Variants in RGL1 observed in about 807,000 individuals in gnomAD.
RGL1 encodes ral guanine nucleotide dissociation stimulator like 1.
Under a neutral mutation model 95.2 loss-of-function variants are expected in RGL1, and 24 were observed. The observed-to-expected ratio is 0.25, with a 90% confidence interval of 0.18 to 0.35. The LOEUF (loss-of-function observed/expected upper bound fraction) is 0.35, where lower values mean the gene tolerates loss of function less well. RGL1 is among the 10% of genes least tolerant of loss of function. RGL1 has a pLI of 1.00. For synonymous variants in RGL1, 329 were observed against 344.9 expected (o/e 0.95, Z 0.51); for missense variants, 715 against 936.3 (o/e 0.76, Z 3.08).
chr1:183,641,134 G>T (rs1417536118), intron 1 of RGL1, among the ~76,000 whole-genome samples: 1 of 152,060 alleles, frequency 6.6e-6, no homozygotes, highest in Non-Finnish European at 1.5e-5. Context: ...TATGGTTTCA[G>T]AATTTTTTTT....
chr1:183,771,561 TG>T, intron 2 of RGL1, among the ~76,000 whole-genome samples: 1 of 152,360 alleles, frequency 6.6e-6, no homozygotes, highest in East Asian at 1.9e-4. Context: ...ACTTAAACGC[TG>T]AAATGTTTCC....
intron 2 of RGL1, among the ~76,000 whole-genome samples, chr1:183,844,882 A>G (rs902152057): frequency 2.0e-5 from 3 of 152,236 alleles, no homozygotes; most frequent in African/African-American, 7.2e-5. Flanking sequence ...AGATAAAGCC[A>G]TCTACCACAT....
chr1:183,827,740 T>G (rs1662970173), intron 2 of RGL1, among the ~76,000 whole-genome samples: 2 of 152,256 alleles, frequency 1.3e-5, no homozygotes, highest in South Asian at 4.1e-4. Flanking sequence ...TTATTTACGT[T>G]GGATACAATA....
At chr1:183,868,937 G>A (rs1314933788) in intron 4 of RGL1, among the ~76,000 whole-genome samples, 1 of 152,066 alleles carries the variant, frequency 6.6e-6, no homozygotes, top group Non-Finnish European at 1.5e-5. Context: ...CAACGTAGTG[G>A]GACTCTGTCT....
At chr1:183,683,174 C>T (rs935928276) in intron 1 of RGL1, among the ~76,000 whole-genome samples, 9 of 152,022 alleles carry the variant, frequency 5.9e-5, no homozygotes, top group African/African-American at 1.9e-4. Context: ...TTTACATTTA[C>T]GGTTAATATT....
At chr1:183,713,260 A>G (rs1041445888) in intron 1 of RGL1, among the ~76,000 whole-genome samples, 2 of 151,338 alleles carry the variant, frequency 1.3e-5, no homozygotes, top group African/African-American at 2.4e-5. Context: ...TCCTGACCTC[A>G]GGTGATCCTT....
chr1:183,662,059 T>C (rs1293314314), intron 1 of RGL1, among the ~76,000 whole-genome samples: 3,706 of 139,314 alleles, frequency 0.027, 254 homozygotes, highest in African/African-American at 0.087. Context: ...TGGGACATAT[T>C]TCAAGATAAT....
At chr1:183,700,481 G>A (rs775512110) in intron 1 of RGL1, among the ~76,000 whole-genome samples, 30 of 149,798 alleles carry the variant, frequency 2.0e-4, no homozygotes, top group Non-Finnish European at 3.5e-4. Context: ...TGTGCAGAAT[G>A]TGCAGTTTTG....
At chr1:183,647,078 G>T (rs1183903995) in intron 1 of RGL1, 1 of 152,352 alleles carries the variant, frequency 6.6e-6, no homozygotes, top group Non-Finnish European at 1.5e-5. Flanking sequence ...AGAGGTCTGA[G>T]CTGGGGAAGA....
chr1:183,751,301 C>G (rs1238119521), intron 2 of RGL1, among the ~76,000 whole-genome samples: 1 of 152,182 alleles, frequency 6.6e-6, no homozygotes, highest in Non-Finnish European at 1.5e-5. Context: ...GCTACAGCAG[C>G]TTTCCTGAGT....
At chr1:183,869,940 C>T (rs2102605083) in intron 4 of RGL1, among the ~76,000 whole-genome samples, 1 of 152,292 alleles carries the variant, frequency 6.6e-6, no homozygotes, top group East Asian at 1.9e-4. Flanking sequence ...AGGACATTTG[C>T]CAATGCCCTA....
chr1:183,887,174 C>T (rs865876629), intron 7 of RGL1, among the ~76,000 whole-genome samples: 2 of 141,872 alleles, frequency 1.4e-5, no homozygotes, highest in African/African-American at 2.6e-5. Flanking sequence ...CTCCCTCCCT[C>T]TTTTCCTCCC....
rs78051925 is a variant in RGL1 at position 183,820,715 on chromosome 1, C to T, written c.138+14230C>T. Among the ~76,000 whole-genome samples the T allele has an allele frequency of 5.3e-4, 81 of 152,194 alleles. 1 individual carries two copies. The highest frequency in any genetic ancestry group is 1.8e-3 in the African/African-American group (75 of 41,518). On this transcript the variant is annotated intron_variant, in intron 2 of 17. Transcript: ENST00000360851. ...TGAAATGTTCTGTACCTGTAAAATC[C>T]GCACCAGAGTTTGAAAAAATAATGT...
At chr1:183,675,549 T>C (rs1476567699) in intron 1 of RGL1, among the ~76,000 whole-genome samples, 3 of 152,228 alleles carry the variant, frequency 2.0e-5, no homozygotes, top group Non-Finnish European at 4.4e-5. Context: ...CAAGGATTCC[T>C]TTATTTCAGC....
chr1:183,809,498 T>C (rs1661556701), intron 2 of RGL1, among the ~76,000 whole-genome samples: 1 of 152,214 alleles, frequency 6.6e-6, no homozygotes, highest in African/African-American at 2.4e-5. Flanking sequence ...TTGGCAACTT[T>C]GAAAAACCAA....
chr1:183,796,121 T>A (rs1396034193), intron 2 of RGL1, among the ~76,000 whole-genome samples: 1 of 152,010 alleles, frequency 6.6e-6, no homozygotes, highest in Non-Finnish European at 1.5e-5. Context: ...ATTATCTTAA[T>A]TAATTCCTAC....
intron 1 of RGL1, among the ~76,000 whole-genome samples, chr1:183,805,966 CTTTTCTTTTTTTTTTTTT>C (rs1661277477): frequency 1.1e-4 from 3 of 28,398 alleles, no homozygotes; most frequent in Non-Finnish European, 2.3e-4. Flanking sequence ...TTTTTCTTTT[CTTTTCTTTTTTTTTTTTT>C]TTTTTTTTTT....
At chr1:183,886,959 A>C (rs571096792) in intron 7 of RGL1, among the ~76,000 whole-genome samples, 10 of 151,892 alleles carry the variant, frequency 6.6e-5, no homozygotes, top group Admixed American at 1.3e-4. Context: ...TTAAACCCTT[A>C]GTTTAAACCT....
chr1:183,647,984 G>T (rs201023197), intron 1 of RGL1: 6 of 1,614,090 alleles, frequency 3.7e-6, no homozygotes, highest in African/African-American at 1.3e-5. Flanking sequence ...GTCCAGGAAA[G>T]GCATTGTTTA....
Sources: gnomAD v4.1 joint callset for allele counts (sites outside exome capture counted in the v4.1 genomes callset) on GRCh38, gnomAD v4.1.1 for gene constraint, MANE v1.5 for transcripts, NCBI Gene and HGNC (gene_info 2026-07-23, HGNC 2026-07-21) for gene names.